EMP2: variants seen among roughly 807,000 people sequenced by gnomAD.
EMP2 encodes the protein epithelial membrane protein 2.
Under a neutral mutation model 13.7 loss-of-function variants are expected in EMP2, and 19 were observed. That is an observed-to-expected ratio of 1.38 (90% CI 0.97 to 2.03). The LOEUF is 2.03. Among genes scored for constraint, EMP2 ranks in the 30% most tolerant of loss-of-function variants. EMP2 has a pLI of 0.00. For synonymous variants in EMP2, 97 were observed against 84.7 expected (o/e 1.15, Z -0.80); for missense variants, 253 against 220.7 (o/e 1.15, Z -0.93).
chr16:10,569,345 G>A (rs1485944007), intron 1 of EMP2, among the ~76,000 whole-genome samples: 2 of 151,978 alleles, frequency 1.3e-5, no homozygotes, highest in Admixed American at 1.3e-4. Flanking sequence ...TTTGTTTTTT[G>A]TTTTTAAAAC....
chr16:10,550,552 G>A (rs1269528063), intron 1 of EMP2, among the ~76,000 whole-genome samples: 2 of 152,214 alleles, frequency 1.3e-5, no homozygotes, highest in South Asian at 2.1e-4. Context: ...TATGAGCCAT[G>A]TGTCCTCAAT....
chr16:10,552,179 C>A (rs953600988), intron 1 of EMP2, among the ~76,000 whole-genome samples: 1 of 150,758 alleles, frequency 6.6e-6, no homozygotes, highest in Non-Finnish European at 1.5e-5. Flanking sequence ...GGCTCATGTA[C>A]CACGCTGAAT....
chr16:10,553,125 A>G (rs1035967326), intron 1 of EMP2, among the ~76,000 whole-genome samples: 2 of 152,230 alleles, frequency 1.3e-5, no homozygotes, highest in Non-Finnish European at 2.9e-5. Flanking sequence ...GAAGTTATTC[A>G]CAAGTAGCGG....
At chr16:10,572,074 C>A (rs1401475090) in intron 1 of EMP2, among the ~76,000 whole-genome samples, 1 of 152,148 alleles carries the variant, frequency 6.6e-6, no homozygotes, top group Non-Finnish European at 1.5e-5. Context: ...TAAATATATT[C>A]AAAAAAGTCA....
chr16:10,533,193 T>G (rs2050621593), intron 4 of EMP2, 101 bp from the exon 5 acceptor site: 2 of 1,106,844 alleles, frequency 1.8e-6, no homozygotes, highest in East Asian at 5.9e-5. Context: ...CTTCAGCTTT[T>G]ATTCTTTGTT....
At chr16:10,578,237 G>A (rs1461507504) in intron 1 of EMP2, 1 of 152,204 alleles carries the variant, frequency 6.6e-6, no homozygotes, top group Admixed American at 6.5e-5. Context: ...GTGAAAAATG[G>A]GCTGGTTGAT....
intron 1 of EMP2, among the ~76,000 whole-genome samples, chr16:10,549,601 C>T (rs772193210): frequency 1.3e-4 from 19 of 151,638 alleles, no homozygotes; most frequent in African/African-American, 3.9e-4. Context: ...ATAGTTACTA[C>T]ATTTTTTTGG....
At chr16:10,570,437 C>G (rs2050939184) in intron 1 of EMP2, among the ~76,000 whole-genome samples, 1 of 152,094 alleles carries the variant, frequency 6.6e-6, no homozygotes, top group South Asian at 2.1e-4. Flanking sequence ...TGCCCCGTCA[C>G]CCAGAGCTTG....
chr16:10,574,501 A>G (rs1307068310), intron 1 of EMP2, among the ~76,000 whole-genome samples: 11 of 151,272 alleles, frequency 7.3e-5, no homozygotes, highest in Non-Finnish European at 2.9e-5. Flanking sequence ...CAAACCATGC[A>G]CCCACTGCTC....
rs143929135 is a variant in EMP2 at position 10,574,351 on chromosome 16, A to G, written c.-61+6198T>C. ...ACCTATCATTGGATATTCTATTCCAATAATGCTCCGTGAGCATCCTCACGC... is the reference window on the plus strand; with the variant it reads ...ACCTATCATTGGATATTCTATTCCAGTAATGCTCCGTGAGCATCCTCACGC... On this transcript the variant is annotated intron_variant, in intron 1 of 4. Coordinates refer to ENST00000359543, the MANE Select transcript of EMP2 (RefSeq NM_001424.6). Among the ~76,000 whole-genome samples, 776 of 152,196 alleles carry G rather than the reference A, an allele frequency of 5.1e-3. 7 individuals are homozygous for G. Among genetic ancestry groups the G allele is most frequent in the Non-Finnish European group, 5.5e-3 (374 of 68,000 alleles).
intron 1 of EMP2, among the ~76,000 whole-genome samples, chr16:10,568,392 T>G (rs1459198879): frequency 2.0e-5 from 3 of 152,224 alleles, no homozygotes; most frequent in Non-Finnish European, 4.4e-5. Context: ...ATTATATATT[T>G]ACATGTGTAT....
At chr16:10,579,738 A>ACACACACACACACACC (rs748732742) in intron 1 of EMP2, among the ~76,000 whole-genome samples, 2 of 145,106 alleles carry the variant, frequency 1.4e-5, no homozygotes, top group African/African-American at 5.1e-5. Flanking sequence ...ACACACACAC[A>ACACACACACACACACC]CCCTCAAAGC....
At chr16:10,551,550 G>A (rs908488116) in intron 1 of EMP2, among the ~76,000 whole-genome samples, 1 of 152,170 alleles carries the variant, frequency 6.6e-6, no homozygotes, top group African/African-American at 2.4e-5. Context: ...GGGACTACAG[G>A]CACGTGCTAC....
rs765222460 is a variant in EMP2 at position 10,533,075 on chromosome 16, C to T, written c.334G>A (p.Ala112Thr). The T allele has an allele frequency of 1.8e-5, 28 of 1,586,108 alleles. No homozygotes were observed. Among genetic ancestry groups the T allele is most frequent in the Non-Finnish European group, 2.4e-5 (28 of 1,164,732 alleles). ...CGCCTGTCTGTATAAATGGAGGCCGCAATCATGACACACAGACCTGTCAGG... is the reference window on the plus strand; with the variant it reads ...CGCCTGTCTGTATAAATGGAGGCCGTAATCATGACACACAGACCTGTCAGG... ...QLMSCLCVMI[A>T]ASIYTDRRED... Residue 112 changes from alanine (A) to threonine (T), a missense_variant, in exon 5 of 5, where the codon GCG becomes ACG. By Grantham distance (58) the Ala-to-Thr change is moderately conservative (BLOSUM62 0). Coordinates refer to ENST00000359543, the MANE Select transcript of EMP2 (RefSeq NM_001424.6).
chr16:10,548,142 C>T (rs537260944), intron 1 of EMP2, among the ~76,000 whole-genome samples: 1 of 152,328 alleles, frequency 6.6e-6, no homozygotes, highest in Non-Finnish European at 1.5e-5. Flanking sequence ...ATGAGAGGGG[C>T]TGTCTGCTGT....
At position 10,529,504 on chromosome 16, in the gene EMP2, G is replaced by T. The variant is rs543236925; in HGVS notation, c.*3401C>A. Reference sequence around the variant, plus strand: ...GGCAACCAGCCGGGAAAATCCATAGGATCATTTCAGACCGCATTCAACACA... The same window carrying T: ...GGCAACCAGCCGGGAAAATCCATAGTATCATTTCAGACCGCATTCAACACA... On this transcript the variant is annotated 3_prime_UTR_variant, in exon 5 of 5. Transcript: ENST00000359543. 4 of 152,330 alleles carry T rather than the reference G, an allele frequency of 2.6e-5. No homozygotes were observed. Among genetic ancestry groups the T allele is most frequent in the African/African-American group, 9.6e-5 (4 of 41,574 alleles). 9.4% of individuals were successfully genotyped at this position (152,330 alleles called of 1,614,324 possible). A position where few individuals can be genotyped will look rare whatever the true frequency, so the allele number is the denominator to read the frequency against.
intron 1 of EMP2, among the ~76,000 whole-genome samples, chr16:10,555,684 TC>T (rs1434105128): frequency 6.6e-6 from 1 of 151,968 alleles, no homozygotes. Context: ...GCCTCCTGAG[TC>T]CAGGCAATTC....
intron 3 of EMP2, among the ~76,000 whole-genome samples, chr16:10,540,276 C>G (rs1237339948): frequency 6.6e-6 from 1 of 152,134 alleles, no homozygotes; most frequent in African/African-American, 2.4e-5. Context: ...GAGGCAGAGG[C>G]AGGTGGATCA....
intron 1 of EMP2, among the ~76,000 whole-genome samples, chr16:10,571,054 A>G (rs548114563): frequency 1.2e-4 from 18 of 151,578 alleles, no homozygotes; most frequent in African/African-American, 4.1e-4. Context: ...GTCAAGAGAT[A>G]GAAACCAGCC....
Sources: allele counts gnomAD v4.1 joint callset (sites outside exome capture counted in the v4.1 genomes callset), GRCh38; gene constraint gnomAD v4.1.1; transcripts MANE v1.5; gene names NCBI Gene and HGNC (gene_info 2026-07-23, HGNC 2026-07-21).